The following ZNF331 variants were observed in gnomAD, a reference collection of about 807,000 sequenced individuals.
ZNF331 encodes the protein C2H2-like zinc finger protein rearranged in thyroid adenomas.
Under a neutral mutation model 7.0 loss-of-function variants are expected in ZNF331, and 2 were observed. That is an observed-to-expected ratio of 0.29 (90% CI 0.12 to 0.90). ZNF331 has a LOEUF of 0.90. Ranked by LOEUF, ZNF331 falls within the 40% of genes least tolerant of loss-of-function variation. The pLI is 0.58. For synonymous variants in ZNF331, 196 were observed against 205.4 expected, an observed-to-expected ratio of 0.95 and a Z score of 0.39; for missense variants, 432 against 587.7, an observed-to-expected ratio of 0.74 and a Z score of 2.74.
the ZNF331 span, among the ~76,000 whole-genome samples, chr19:53,509,406 C>A: frequency 1.3e-5 from 2 of 151,830 alleles, no homozygotes; most frequent in Non-Finnish European, 1.5e-5. Flanking sequence ...CATGTCGGTG[C>A]AGAGATACCC....
intron 5 of ZNF331, among the ~76,000 whole-genome samples, chr19:53,574,381 T>C (rs984719527): frequency 1.3e-5 from 2 of 152,128 alleles, no homozygotes; most frequent in Non-Finnish European, 2.9e-5. Context: ...CCTGAGGTGT[T>C]GGAGAGCTTT....
At chr19:53,530,258 A>G (rs182135750) in intron 2 of ZNF331, among the ~76,000 whole-genome samples, 219 of 151,704 alleles carry the variant, frequency 1.4e-3, no homozygotes, top group African/African-American at 5.1e-3. Context: ...TGCCTCCATA[A>G]CCCAAACACC....
chr19:53,556,242 C>CAA (rs1160118053), intron 3 of ZNF331, among the ~76,000 whole-genome samples: 10 of 84,902 alleles, frequency 1.2e-4, no homozygotes, highest in Non-Finnish European at 1.4e-4. Flanking sequence ...GACTCCATCT[C>CAA]AAAAAAAAAA....
intron 3 of ZNF331, among the ~76,000 whole-genome samples, chr19:53,568,607 G>C (rs2090279209): frequency 6.6e-6 from 1 of 152,058 alleles, no homozygotes; most frequent in Admixed American, 6.6e-5. Context: ...AGGTAATATA[G>C]ATTACCTTTC....
rs1467847265 is a variant in ZNF331, at chr19:53,539,658, A to T, written c.-138+376A>T. 1 of 152,162 alleles carries T rather than the reference A, an allele frequency of 6.6e-6. No individual in the cohort carries two copies. Among genetic ancestry groups the T allele is most frequent in the Non-Finnish European group, 1.5e-5 (1 of 68,044 alleles). The allele number at this position is 152,162 out of a possible 1,614,324, so 9.4% of individuals were successfully genotyped here. A position where few individuals can be genotyped will look rare whatever the true frequency, so the allele number is the denominator to read the frequency against. On this transcript the variant is annotated intron_variant, in intron 2 of 5. Coordinates refer to ENST00000449416, the MANE Select transcript of ZNF331 (RefSeq NM_001079906.2). The surrounding 1 kb of genome is among the most constrained non-coding windows in gnomAD (Gnocchi z 6.1). ...CTTTAACTCCACTTACAACTTTCCA[A>T]GGGACATTCTGTGTATATTTACTGT...
chr19:53,578,034 A>G lies in ZNF331; in HGVS notation c.*82A>G. 3 of 1,425,524 alleles carry G rather than the reference A, an allele frequency of 2.1e-6. No individual in the cohort carries two copies. Among genetic ancestry groups the G allele is most frequent in the South Asian group, 1.4e-5 (1 of 69,306 alleles). 88.3% of individuals were successfully genotyped at this position (1,425,524 alleles called of 1,614,324 possible). A position where few individuals can be genotyped will look rare whatever the true frequency, so the allele number is the denominator to read the frequency against. On this transcript the variant is annotated 3_prime_UTR_variant, in exon 6 of 6. Transcript: ENST00000449416. ...GTTACCTGCAGTCAACTGCAGTTCA[A>G]AAATATTAAATGGAAAATTCCAGAA...
chr19:53,559,535 C>T lies in ZNF331; in HGVS notation c.-74+3627C>T, dbSNP rs572806815. Among the ~76,000 whole-genome samples, 36 of 150,726 alleles carry T rather than the reference C, an allele frequency of 2.4e-4. No individual in the cohort carries two copies. The South Asian group carries it at 3.1e-3, about 13-fold the overall frequency. On this transcript the variant is annotated intron_variant, in intron 3 of 5. Transcript: ENST00000449416. ...ACATATATACACACATATACACACA[C>T]GCCATATATACACACATATACACAC...
chr19:53,545,797 A>G (rs1032479225), intron 2 of ZNF331, among the ~76,000 whole-genome samples: 10 of 152,198 alleles, frequency 6.6e-5, no homozygotes, highest in African/African-American at 2.2e-4. Context: ...ATTGTCATAG[A>G]TAAGTGTTCA....
At chr19:53,510,139 T>G in the ZNF331 span, among the ~76,000 whole-genome samples, 1 of 152,336 alleles carries the variant, frequency 6.6e-6, no homozygotes, top group East Asian at 1.9e-4. Context: ...GTGTCCTATG[T>G]GATGGAACAT....
chr19:53,534,884 A>C (rs926935938), upstream of ZNF331, among the ~76,000 whole-genome samples: 1 of 152,112 alleles, frequency 6.6e-6, no homozygotes, highest in Non-Finnish European at 1.5e-5. Flanking sequence ...AGGCCTGTCC[A>C]TCAAACTTTC....
intron 3 of ZNF331, among the ~76,000 whole-genome samples, chr19:53,569,062 T>G (rs1423859020): frequency 1.3e-5 from 2 of 152,048 alleles, no homozygotes; most frequent in Non-Finnish European, 2.9e-5. Context: ...TTCACCGTGT[T>G]AGCCAAGATG....
intron 2 of ZNF331, among the ~76,000 whole-genome samples, chr19:53,551,495 T>C (rs1434933328): frequency 1.3e-5 from 2 of 152,174 alleles, no homozygotes; most frequent in East Asian, 1.9e-4. Flanking sequence ...GTGATCTTTG[T>C]CTTGTTTTGG....
intron 2 of ZNF331, among the ~76,000 whole-genome samples, chr19:53,545,596 A>C (rs1174906915): frequency 6.6e-6 from 1 of 151,980 alleles, no homozygotes; most frequent in East Asian, 1.9e-4. Flanking sequence ...AGTAGGCCAC[A>C]CTCCCGATCA....
At chr19:53,510,547 T>C in the ZNF331 span, among the ~76,000 whole-genome samples, 1 of 152,086 alleles carries the variant, frequency 6.6e-6, no homozygotes, top group Non-Finnish European at 1.5e-5. Flanking sequence ...CTGCAGTCTA[T>C]TTCTGAGTTG....
At chr19:53,514,746 G>A (rs1674903053), upstream of ZNF331, among the ~76,000 whole-genome samples, 1 of 146,922 alleles carries the variant, frequency 6.8e-6, no homozygotes, top group Non-Finnish European at 1.5e-5. Context: ...CGCCTCCCGG[G>A]TTCACGCCAT....
chr19:53,544,144 T>C (rs1299227817), intron 2 of ZNF331, among the ~76,000 whole-genome samples: 2 of 145,264 alleles, frequency 1.4e-5, no homozygotes, highest in Non-Finnish European at 3.0e-5. Context: ...GGAGAATCGC[T>C]TGAACCCGGG....
intron 2 of ZNF331, among the ~76,000 whole-genome samples, chr19:53,540,268 T>C (rs1178755831): frequency 6.6e-6 from 1 of 152,120 alleles, no homozygotes; most frequent in East Asian, 1.9e-4. Context: ...AGGCTGGAAG[T>C]CTGAGAAGAG....
In ZNF331 at chr19:53,576,772, A is replaced by G. The variant is rs201885186; in HGVS notation, c.212A>G (p.Asn71Ser). Residue 71 changes from asparagine (N) to serine (S), a missense_variant, in exon 6 of 6, where the codon AAT becomes AGT. Physicochemically the swap from Asn to Ser is conservative, Grantham distance 46. This residue lies in a region of ZNF331 where 81 missense variants were observed against 70.3 expected (regional missense o/e 1.15). Coordinates refer to ENST00000449416, the MANE Select transcript of ZNF331 (RefSeq NM_001079906.2). The stretch of plus-strand genomic sequence containing the variant: ...CATGAAATAAGGGCTTCCAAAAGGA[A>G]TTCAGATAGAAGAAGTAAATCCCTT... ...NIHEIRASKR[N>S]SDRRSKSLGR... The G allele has an allele frequency of 1.0e-4, 169 of 1,614,040 alleles. 1 individual carries two copies. The highest frequency in any genetic ancestry group is 3.6e-5 in the Non-Finnish European group (43 of 1,180,040).
chr19:53,540,767 T>C (rs948210263), intron 2 of ZNF331, among the ~76,000 whole-genome samples: 3 of 105,166 alleles, frequency 2.9e-5, no homozygotes, highest in Middle Eastern at 4.1e-3. Flanking sequence ...TTGCTTTTGC[T>C]GGCTTCTAGA....
Sources: allele counts gnomAD v4.1 joint callset (sites outside exome capture counted in the v4.1 genomes callset), GRCh38; gene constraint gnomAD v4.1.1; regional missense constraint gnomAD v4.1.1; non-coding constraint Gnocchi (gnomAD v3.1); transcripts MANE v1.5; gene names NCBI Gene and HGNC (gene_info 2026-07-23, HGNC 2026-07-21).